PGAP6: variants seen among roughly 807,000 people sequenced by gnomAD.
PGAP6 encodes post-GPI attachment to proteins factor 6.
PGAP6 carries 62 observed loss-of-function variants against 68.4 expected under a neutral mutation model. The observed-to-expected ratio is 0.91, with a 90% CI of 0.74 to 1.12. PGAP6 has a LOEUF of 1.12. Among genes scored for constraint, PGAP6 ranks in the 50% most tolerant of loss-of-function variants. PGAP6 has a pLI of 0.00. For missense variants in PGAP6, 1,188 were observed against 1,068.5 expected, an observed-to-expected ratio of 1.11 and a Z score of -1.56; for synonymous variants, 575 against 474.0, an observed-to-expected ratio of 1.21 and a Z score of -2.77.
At chr16:381,598 G>T in intron 1 of PGAP6, 103 bp downstream of exon 1, 1 of 955,902 alleles carries the variant, frequency 1.0e-6, no homozygotes, top group Non-Finnish European at 1.3e-6. Flanking sequence ...CCAACCCCGC[G>T]CCGGCGCCAG....
In PGAP6 at chr16:376,124, G is replaced by A; in HGVS notation, c.1224+12C>T. 3 of 1,588,350 alleles carry A rather than the reference G, an allele frequency of 1.9e-6. No individual in the cohort carries two copies. Among genetic ancestry groups the A allele is most frequent in the Non-Finnish European group, 2.6e-6 (3 of 1,164,460 alleles). ...GAGCCCAGGCCACAGGCCGCTTGCA[G>A]ACAGCAGGTACCTTGTTGGCCCGCA... is the stretch of plus-strand genomic sequence containing the variant. On this transcript the variant is annotated intron_variant, in intron 6 of 12. Transcript: ENST00000431232.
At chr16:380,969 G>A (rs977744309) in intron 1 of PGAP6, among the ~76,000 whole-genome samples, 3 of 152,232 alleles carry the variant, frequency 2.0e-5, no homozygotes, top group African/African-American at 7.2e-5. Flanking sequence ...CACCATCTCA[G>A]GGTGGCCAAG....
chr16:382,466 G>A (rs2054452698), upstream of PGAP6: 1 of 373,686 alleles, frequency 2.7e-6, no homozygotes, highest in African/African-American at 2.1e-5. Flanking sequence ...TCACGCCGCA[G>A]AGCCGCTGCA....
At position 377,491 on chromosome 16, in the gene PGAP6, G is replaced by C. The variant is rs775189907; in HGVS notation, c.394C>G (p.Pro132Ala). The C allele has an allele frequency of 1.9e-6, 3 of 1,605,836 alleles. No homozygotes were observed. Among genetic ancestry groups the C allele is most frequent in the Non-Finnish European group, 2.5e-6 (3 of 1,176,918 alleles). ...TTGCTTCTCGGTGTGGTGCTCAGCG[G>C]CACCCCGACCTGGAAGGAGGGCTGT... ...AVQPSFQVGV[P>A]LSTTPRSNAS... Residue 132 changes from proline (P) to alanine (A), a missense_variant, in exon 3 of 13, where the codon CCG becomes GCG. Pro to Ala is a conservative substitution (Grantham distance 27). Transcript: ENST00000431232.
chr16:374,190 C>T, intron 10 of PGAP6, 31 bp downstream of exon 10: 1 of 1,610,566 alleles, frequency 6.2e-7, no homozygotes, highest in Non-Finnish European at 8.5e-7. Context: ...TGCCCTCCCA[C>T]CCCACATCCC....
intron 1 of PGAP6, among the ~76,000 whole-genome samples, chr16:380,853 G>A (rs1040830108): frequency 2.0e-5 from 3 of 152,266 alleles, no homozygotes; most frequent in Admixed American, 1.3e-4. Flanking sequence ...ATCAGCTGCC[G>A]GGCACCTGGG....
upstream of PGAP6, chr16:382,091 A>AGGGG (rs909116095): frequency 8.7e-3 from 2,462 of 282,258 alleles, 126 homozygotes; most frequent in African/African-American, 0.056. Flanking sequence ...GGGCGCCGGT[A>AGGGG]GGGGGGAGGG....
intron 6 of PGAP6, among the ~76,000 whole-genome samples, 189 bp from the exon 7 acceptor site, chr16:375,624 T>A (rs1192490191): frequency 6.6e-6 from 1 of 151,288 alleles, no homozygotes; most frequent in Non-Finnish European, 1.5e-5. Context: ...CCTCCGCCCC[T>A]GGGTTCATGC....
Position 371,920 on chromosome 16 carries a change from C to T in PGAP6, c.*67G>A, listed in dbSNP as rs372169854. The T allele has an allele frequency of 6.4e-5, 97 of 1,527,474 alleles. 1 individual carries two copies. The African/African-American group carries it at 8.9e-4, about 14-fold the overall frequency. 94.6% of individuals were successfully genotyped at this position (1,527,474 alleles called of 1,614,324 possible). A position where few individuals can be genotyped will look rare whatever the true frequency, so the allele number is the denominator to read the frequency against. Reference sequence around the variant, plus strand: ...TCAATCTGTCCAGGGCTGGACCAGGCGCCTCCCCCTCGATACAGCTCCTGG... The same window carrying T: ...TCAATCTGTCCAGGGCTGGACCAGGTGCCTCCCCCTCGATACAGCTCCTGG... On this transcript the variant is annotated 3_prime_UTR_variant, in exon 13 of 13. Coordinates refer to ENST00000431232, the MANE Select transcript of PGAP6 (RefSeq NM_021259.3).
upstream of PGAP6, among the ~76,000 whole-genome samples, chr16:386,125 G>C (rs1040615187): frequency 6.6e-6 from 1 of 152,134 alleles, no homozygotes; most frequent in South Asian, 2.1e-4. Context: ...CAGCCTGGCC[G>C]GAGGGGAGGG....
chr16:376,461 G>T lies in PGAP6; in HGVS notation c.905-6C>A. 6.4e-7 allele frequency: 1 copy of T among 1,558,590 alleles called. No individual in the cohort carries two copies. Among genetic ancestry groups the T allele is most frequent in the South Asian group, 1.2e-5 (1 of 82,326 alleles). On this transcript the variant is annotated splice_region_variant and splice_polypyrimidine_tract_variant and intron_variant, in intron 5 of 12. Coordinates refer to ENST00000431232, the MANE Select transcript of PGAP6 (RefSeq NM_021259.3). ...CACGCTCCGTGGCCTGCAAGCTGCC[G>T]AGAGGACAAGGGGTTTGGCTGGAGG...
upstream of PGAP6, among the ~76,000 whole-genome samples, chr16:385,387 A>AG (rs2054474872): frequency 7.6e-6 from 1 of 132,050 alleles, no homozygotes; most frequent in African/African-American, 3.0e-5. Flanking sequence ...ATCTCGGCTC[A>AG]CGCAAGCTCC....
At chr16:377,281 G>A (rs1416278032) in intron 3 of PGAP6, 97 bp downstream of exon 3, 35 of 1,574,628 alleles carry the variant, frequency 2.2e-5, no homozygotes, top group Non-Finnish European at 4.3e-6. Flanking sequence ...GTGCAGCGTG[G>A]AGCCTAGAGC....
At chr16:380,898 G>A (rs1174603870) in intron 1 of PGAP6, among the ~76,000 whole-genome samples, 1 of 152,214 alleles carries the variant, frequency 6.6e-6, no homozygotes, top group Non-Finnish European at 1.5e-5. Context: ...GGAACTTCCA[G>A]CCGGCCAGAA....
At position 374,036 on chromosome 16, in the gene PGAP6, C is replaced by T; in HGVS notation, c.1871G>A (p.Cys624Tyr). The change falls in exon 11 of 13, where the codon TGC (cysteine) becomes TAC (tyrosine). Residue 624 changes from cysteine to tyrosine, a missense_variant. Transcript: ENST00000431232. The stretch of plus-strand genomic sequence containing the variant: ...CAGGACTGTCTTGAGCCGTGCCATG[C>T]ACAGGATGGTGACCCAGATGGCCGC... ...SGAAIWVTIL[C>Y]MARLKTVLKY... The T allele has an allele frequency of 6.2e-7, 1 of 1,611,604 alleles. No individual in the cohort carries two copies. Among genetic ancestry groups the T allele is most frequent in the Non-Finnish European group, 8.5e-7 (1 of 1,179,908 alleles).
intron 1 of PGAP6, among the ~76,000 whole-genome samples, chr16:378,420 C>T (rs2054410370): frequency 1.7e-5 from 2 of 115,584 alleles, no homozygotes; most frequent in Non-Finnish European, 1.8e-5. Flanking sequence ...CCATCGCCAC[C>T]CACACTGCCA....
rs2054399017 is a variant in PGAP6, at chr16:377,706, C to T, written c.264G>A (p.Glu88=). ...LLRWLLQVSR[E]SGAACTDAEI... The stretch of plus-strand genomic sequence containing the variant: ...CCGCGTCGGTGCAGGCAGCGCCGCT[C>T]TCCCGGGAGACCTGCAGGAGCCAGC... Residue 88 remains glutamate, a synonymous_variant, in exon 2 of 13, where the codon GAG becomes GAA. Coordinates refer to ENST00000431232, the MANE Select transcript of PGAP6 (RefSeq NM_021259.3). 6.3e-7 allele frequency: 1 copy of T among 1,594,030 alleles called. No homozygotes were observed. The highest frequency in any genetic ancestry group is 1.8e-5 in the Admixed American group (1 of 57,048).
Position 376,540 on chromosome 16 carries a change from C to A in PGAP6, c.904+4G>T, listed in dbSNP as rs375924714. On this transcript the variant is annotated splice_donor_region_variant and intron_variant, in intron 5 of 12. Transcript: ENST00000431232. ...GCCATCCCTCCAGCCCTTGTGCGGCCCACCTGTGAGGGCAGCTACAGCACT... is the reference window on the plus strand; with the variant it reads ...GCCATCCCTCCAGCCCTTGTGCGGCACACCTGTGAGGGCAGCTACAGCACT... 1.2e-5 allele frequency: 19 copies of A among 1,543,692 alleles called. No individual in the cohort carries two copies. The highest frequency in any genetic ancestry group is 1.7e-5 in the Non-Finnish European group (19 of 1,143,874).
upstream of PGAP6, among the ~76,000 whole-genome samples, chr16:382,948 G>T (rs1464284207): frequency 6.6e-6 from 1 of 152,098 alleles, no homozygotes; most frequent in Admixed American, 6.5e-5. Flanking sequence ...CAGCTGCCAG[G>T]GATACGCTGA....
Sources: allele counts gnomAD v4.1 joint callset (sites outside exome capture counted in the v4.1 genomes callset), GRCh38; gene constraint gnomAD v4.1.1; transcripts MANE v1.5; gene names NCBI Gene and HGNC (gene_info 2026-07-23, HGNC 2026-07-21).